SULF2: variants seen among roughly 807,000 people sequenced by gnomAD.
SULF2 encodes sulfatase 2, also known as extracellular sulfatase Sulf-2.
Under a neutral mutation model 107.7 loss-of-function variants are expected in SULF2, and 52 were observed. The ratio of observed to expected loss-of-function variants is 0.48; its 90% CI spans 0.39 to 0.61. SULF2 has a LOEUF of 0.61. Ranked by LOEUF, SULF2 falls within the 20% of genes least tolerant of loss-of-function variation. The pLI is 0.00. For missense variants in SULF2, 993 were observed against 1,177.3 expected (o/e 0.84, Z 2.29); for synonymous variants, 460 against 464.3 (o/e 0.99, Z 0.12).
chr20:47,707,674 C>A (rs1337715856), intron 3 of SULF2, among the ~76,000 whole-genome samples: 2 of 152,104 alleles, frequency 1.3e-5, no homozygotes, highest in South Asian at 4.1e-4. Context: ...TCATGCCAGG[C>A]CCCCTTTTAA....
In SULF2 at chr20:47,659,406, T is replaced by TG; in HGVS notation, c.2574dup (p.Lys859GlnfsTer24). 1 of 1,614,148 alleles carries TG rather than the reference T, an allele frequency of 6.2e-7. No individual in the cohort carries two copies. The highest frequency in any genetic ancestry group is 8.5e-7 in the Non-Finnish European group (1 of 1,179,982). ...GCTGGTTCCTCAACTCACAGTGATT[T>TG]GGAAGAAGGTCTCTTCATTTCTGGC... On this transcript the variant is annotated frameshift_variant, in exon 20 of 21. Coordinates refer to ENST00000688720, the MANE Select transcript of SULF2 (RefSeq NM_001387048.1). LOFTEE classifies it high-confidence loss of function.
At chr20:47,766,842 C>T (rs1382963998) in intron 1 of SULF2, among the ~76,000 whole-genome samples, 2 of 151,596 alleles carry the variant, frequency 1.3e-5, no homozygotes, top group African/African-American at 4.9e-5. Context: ...AGCTGAGCAC[C>T]AAAATGTTTT....
chr20:47,757,511 G>T, intron 1 of SULF2, 48 bp from the exon 2 acceptor site: 1 of 924,796 alleles, frequency 1.1e-6, no homozygotes, highest in Non-Finnish European at 1.6e-6. Flanking sequence ...AAGGCTGCCG[G>T]CTGCTCATTC....
chr20:47,701,336 G>A (rs916519615), intron 4 of SULF2, among the ~76,000 whole-genome samples: 2 of 152,180 alleles, frequency 1.3e-5, no homozygotes, highest in Admixed American at 6.5e-5. Flanking sequence ...GATCGGAGCC[G>A]CGGTGAAATG....
chr20:47,745,382 GAAAAAAAA>G (rs1158560282), intron 2 of SULF2, among the ~76,000 whole-genome samples: 132 of 51,980 alleles, frequency 2.5e-3, no homozygotes, highest in East Asian at 7.9e-3. Context: ...AGTTTTGAGG[GAAAAAAAA>G]AAAAAAAAAA....
At chr20:47,701,781 T>A (rs1014794767) in intron 4 of SULF2, among the ~76,000 whole-genome samples, 3 of 152,198 alleles carry the variant, frequency 2.0e-5, no homozygotes. Flanking sequence ...AGAAGCCAGA[T>A]GCAGAGTGAA....
intron 3 of SULF2, among the ~76,000 whole-genome samples, chr20:47,735,350 G>A (rs1458579726): frequency 6.6e-6 from 1 of 152,152 alleles, no homozygotes; most frequent in Non-Finnish European, 1.5e-5. Context: ...GAAAAAATAA[G>A]CTGTGCCGGC....
At chr20:47,682,487 G>T (rs980885516) in intron 7 of SULF2, among the ~76,000 whole-genome samples, 4 of 152,200 alleles carry the variant, frequency 2.6e-5, no homozygotes, top group African/African-American at 9.7e-5. Flanking sequence ...TCAACTCAAA[G>T]GTTAGCCCGA....
At chr20:47,698,967 G>T (rs2088474385) in intron 4 of SULF2, among the ~76,000 whole-genome samples, 1 of 152,166 alleles carries the variant, frequency 6.6e-6, no homozygotes, top group Non-Finnish European at 1.5e-5. Flanking sequence ...GGAGACAGAG[G>T]TTGTGGTAAG....
At chr20:47,762,395 C>G (rs71351695) in intron 1 of SULF2, among the ~76,000 whole-genome samples, 10 of 152,252 alleles carry the variant, frequency 6.6e-5, no homozygotes, top group African/African-American at 2.4e-4. Flanking sequence ...CCAGTCTCTG[C>G]TCTGAGCTGT....
intron 2 of SULF2, among the ~76,000 whole-genome samples, chr20:47,750,780 T>C (rs2090142155): frequency 6.6e-6 from 1 of 152,242 alleles, no homozygotes; most frequent in Admixed American, 6.5e-5. Flanking sequence ...TTGTGCACGC[T>C]GCTCTGGCCT....
rs1209564623 is a variant in SULF2 at position 47,665,942 on chromosome 20, A to G, written c.1817T>C (p.Leu606Pro). Residue 606 changes from leucine to proline, a missense_variant, in exon 13 of 21, where the codon CTA (leucine) becomes CCA (proline). Transcript: ENST00000688720. ...PIKVTHRCYI[L>P]ENDTVQCDLD... ...GTCACACTGGACTGTGTCGTTCTCTAGGATGTAGCACCTGCTTGAGAGAAG... is the reference window on the plus strand; with the variant it reads ...GTCACACTGGACTGTGTCGTTCTCTGGGATGTAGCACCTGCTTGAGAGAAG... The G allele has an allele frequency of 6.2e-7, 1 of 1,614,036 alleles. No homozygotes were observed. The highest frequency in any genetic ancestry group is 8.5e-7 in the Non-Finnish European group (1 of 1,179,980).
chr20:47,697,098 C>T (rs2088405276), intron 4 of SULF2, among the ~76,000 whole-genome samples: 2 of 152,262 alleles, frequency 1.3e-5, no homozygotes, highest in Admixed American at 1.3e-4. Flanking sequence ...TGCAGAGCCA[C>T]CCAACACCCA....
At chr20:47,689,078 TG>T (rs1214004495) in intron 5 of SULF2, among the ~76,000 whole-genome samples, 1 of 151,966 alleles carries the variant, frequency 6.6e-6, no homozygotes, top group South Asian at 2.1e-4. Context: ...GAAGCAGAAG[TG>T]GGGGGCTGGA....
At chr20:47,715,806 T>C (rs2089100435) in intron 3 of SULF2, among the ~76,000 whole-genome samples, 1 of 152,184 alleles carries the variant, frequency 6.6e-6, no homozygotes, top group South Asian at 2.1e-4. Context: ...GGTCTTGAGC[T>C]GACCTCAAGT....
At chr20:47,773,530 GC>G (rs1356948615) in intron 1 of SULF2, among the ~76,000 whole-genome samples, 1 of 152,344 alleles carries the variant, frequency 6.6e-6, no homozygotes, top group East Asian at 1.9e-4. Flanking sequence ...ACACCCCTTT[GC>G]CCCAGCCCAT....
chr20:47,697,999 A>C (rs375983459), intron 4 of SULF2, among the ~76,000 whole-genome samples: 1 of 152,220 alleles, frequency 6.6e-6, no homozygotes, highest in Non-Finnish European at 1.5e-5. Flanking sequence ...CTGCCTCATC[A>C]GAACTTTGGA....
chr20:47,782,240 A>ACTGT (rs2090846060), intron 1 of SULF2, among the ~76,000 whole-genome samples: 1 of 152,094 alleles, frequency 6.6e-6, no homozygotes, highest in South Asian at 2.1e-4. Context: ...CTGACACCCA[A>ACTGT]CTGTGGCCAG....
intron 12 of SULF2, 21 bp from the exon 13 acceptor site, chr20:47,665,974 C>T (rs536265098): frequency 2.7e-5 from 43 of 1,611,998 alleles, no homozygotes; most frequent in South Asian, 2.4e-4. Flanking sequence ...GAAGGGATCA[C>T]GTGTGGCTCG....
Sources: allele counts gnomAD v4.1 joint callset (sites outside exome capture counted in the v4.1 genomes callset), GRCh38; gene constraint gnomAD v4.1.1; transcripts MANE v1.5; gene names NCBI Gene and HGNC (gene_info 2026-07-23, HGNC 2026-07-21).